Variants in RBPMS observed in about 807,000 individuals in gnomAD.
RBPMS encodes RNA binding protein, mRNA processing factor.
A neutral mutation model predicts 26.8 loss-of-function variants in RBPMS; 7 were observed. That is an observed-to-expected ratio of 0.26 (90% CI 0.15 to 0.49). RBPMS has a LOEUF of 0.49. RBPMS is among the 20% of genes least tolerant of loss of function. The pLI is 0.98. For missense variants in RBPMS, 186 were observed against 250.0 expected, an observed-to-expected ratio of 0.74 and a Z score of 1.73; for synonymous variants, 96 against 93.3, an observed-to-expected ratio of 1.03 and a Z score of -0.17.
chr8:30,421,589 A>G (rs965048274), intron 1 of RBPMS, among the ~76,000 whole-genome samples: 11 of 152,324 alleles, frequency 7.2e-5, no homozygotes, highest in Non-Finnish European at 1.5e-4. Context: ...GGTACCTACT[A>G]TGTGCCAAGG....
At chr8:30,451,510 G>C (rs1814587690) in intron 1 of RBPMS, among the ~76,000 whole-genome samples, 1 of 152,128 alleles carries the variant, frequency 6.6e-6, no homozygotes, top group Admixed American at 6.6e-5. Context: ...GATTCTGATA[G>C]ATATGGATTA....
rs377289582 is a variant in RBPMS at position 30,498,931 on chromosome 8, G to A, written c.247-5355G>A. ...AATATTTTAAATATATCTATATGAT[G>A]CAGAGAAGTAGATCTGAATGTTAGG... On this transcript the variant is annotated intron_variant, in intron 4 of 8. Transcript: ENST00000397323. Among the ~76,000 whole-genome samples, 153 of 152,220 alleles carry A rather than the reference G, an allele frequency of 1.0e-3. 2 individuals are homozygous for A. In the South Asian group the frequency reaches 0.031, roughly 31 times the overall value.
intron 4 of RBPMS, among the ~76,000 whole-genome samples, chr8:30,485,339 CA>C (rs1380218896): frequency 3.7e-4 from 57 of 152,246 alleles, no homozygotes; most frequent in African/African-American, 1.3e-3. Flanking sequence ...GACACTATAT[CA>C]ATATGTTTCT....
At chr8:30,555,132 C>T (rs964748405) in intron 6 of RBPMS, among the ~76,000 whole-genome samples, 1 of 152,184 alleles carries the variant, frequency 6.6e-6, no homozygotes, top group Non-Finnish European at 1.5e-5. Flanking sequence ...CTTTCTCTAG[C>T]ATTCCATTTG....
intron 6 of RBPMS, among the ~76,000 whole-genome samples, chr8:30,553,921 C>T (rs1230039403): frequency 6.6e-6 from 1 of 152,076 alleles, no homozygotes; most frequent in Non-Finnish European, 1.5e-5. Flanking sequence ...GGACTACAGG[C>T]GCACACCACC....
chr8:30,518,387 A>G lies in RBPMS; in HGVS notation c.397+13951A>G, dbSNP rs944011800. ...ACCTCGAGGTTGTAGGCAGTTAGCT[A>G]GGAGTATGACTTTTTCATTCATTCA... On this transcript the variant is annotated intron_variant, in intron 5 of 8. Coordinates refer to ENST00000397323, the MANE Select transcript of RBPMS (RefSeq NM_001008710.3). Among the ~76,000 whole-genome samples the G allele has an allele frequency of 3.9e-5, 6 of 152,182 alleles. No homozygotes were observed. The East Asian group carries it at 9.7e-4, about 24-fold the overall frequency.
chr8:30,393,546 G>A (rs1038688199), intron 1 of RBPMS, among the ~76,000 whole-genome samples: 52 of 151,042 alleles, frequency 3.4e-4, no homozygotes, highest in African/African-American at 1.1e-3. Flanking sequence ...TCTTTGAGAC[G>A]GAGTCTTGCG....
At chr8:30,518,435 A>G (rs1047858289) in intron 5 of RBPMS, among the ~76,000 whole-genome samples, 4 of 151,604 alleles carry the variant, frequency 2.6e-5, no homozygotes, top group African/African-American at 9.7e-5. Flanking sequence ...TTATTTATTT[A>G]TTTATTTAGA....
intron 5 of RBPMS, 114 bp from the exon 6 acceptor site, chr8:30,544,380 G>T: frequency 9.9e-7 from 1 of 1,010,654 alleles, no homozygotes; most frequent in Non-Finnish European, 1.5e-6. Context: ...AAAAGAATGA[G>T]AGTAATTTGA....
In RBPMS at chr8:30,443,592, T is replaced by C. The variant is rs572258453; in HGVS notation, c.67-31187T>C. Among the ~76,000 whole-genome samples the C allele has an allele frequency of 4.1e-3, 619 of 151,708 alleles. 2 individuals carry two copies. The highest frequency in any genetic ancestry group is 6.8e-3 in the Middle Eastern group (2 of 294). On this transcript the variant is annotated intron_variant, in intron 1 of 8. Transcript: ENST00000397323. ...TGTGCTTAAAAATCTTTCAGGTTTT[T>C]TTTGTTTTGTTTTTGTTTTTAAGAC...
At chr8:30,461,172 C>T (rs1468200811) in intron 1 of RBPMS, among the ~76,000 whole-genome samples, 2 of 152,052 alleles carry the variant, frequency 1.3e-5, no homozygotes, top group Non-Finnish European at 1.5e-5. Context: ...ATACCAATCT[C>T]TTCATTGATG....
intron 5 of RBPMS, among the ~76,000 whole-genome samples, chr8:30,523,628 T>C (rs975149601): frequency 2.0e-5 from 3 of 151,528 alleles, no homozygotes; most frequent in Admixed American, 2.0e-4. Context: ...CTCAAAATTG[T>C]AACTGTAAAG....
At position 30,391,041 on chromosome 8, in the gene RBPMS, G is replaced by T. The variant is rs147094138; in HGVS notation, c.66+5883G>T. On this transcript the variant is annotated intron_variant, in intron 1 of 8. Coordinates refer to ENST00000397323, the MANE Select transcript of RBPMS (RefSeq NM_001008710.3). ...GCTGGAAAATTACTTCCATCCCTTT[G>T]TCATTAGGAACCTCCATTTGCGAGC... Among the ~76,000 whole-genome samples, 789 of 152,112 alleles carry T rather than the reference G, an allele frequency of 5.2e-3. 8 individuals carry two copies. The highest frequency in any genetic ancestry group is 0.019 in the African/African-American group (768 of 41,484).
At chr8:30,546,193 T>G (rs1294992048) in intron 6 of RBPMS, among the ~76,000 whole-genome samples, 2 of 152,210 alleles carry the variant, frequency 1.3e-5, no homozygotes, top group African/African-American at 4.8e-5. Context: ...TGTCTCCTCT[T>G]GCTAGACTGC....
At chr8:30,426,265 G>A (rs1414658234) in intron 1 of RBPMS, among the ~76,000 whole-genome samples, 1 of 152,184 alleles carries the variant, frequency 6.6e-6, no homozygotes, top group Non-Finnish European at 1.5e-5. Flanking sequence ...TCAGGGACCA[G>A]TCATCCTTTT....
chr8:30,550,116 C>A (rs1826237121), intron 6 of RBPMS, among the ~76,000 whole-genome samples: 1 of 152,188 alleles, frequency 6.6e-6, no homozygotes. Flanking sequence ...TCCCAAAGTG[C>A]TGGGATTACA....
chr8:30,563,127 T>A (rs1050268213), intron 7 of RBPMS, among the ~76,000 whole-genome samples: 1 of 152,144 alleles, frequency 6.6e-6, no homozygotes, highest in Non-Finnish European at 1.5e-5. Flanking sequence ...GCTGAGGGCA[T>A]GTACAGGCCA....
rs369205052 is a variant in RBPMS at position 30,567,135 on chromosome 8, G to A, written c.*111+775G>A. The stretch of plus-strand genomic sequence containing the variant: ...GTTTATGTCTCAGCCTAAATAAAGC[G>A]GCAGGCTGCATCCCTCTGAGGGGCC... On this transcript the variant is annotated intron_variant, in intron 8 of 8. Transcript: ENST00000397323. Among the ~76,000 whole-genome samples, 5 of 152,300 alleles carry A rather than the reference G, an allele frequency of 3.3e-5. No individual in the cohort carries two copies. The East Asian group carries it at 9.6e-4, about 29-fold the overall frequency.
At chr8:30,448,227 G>A (rs1013558127) in intron 1 of RBPMS, among the ~76,000 whole-genome samples, 57 of 152,210 alleles carry the variant, frequency 3.7e-4, no homozygotes, top group African/African-American at 1.3e-3. Flanking sequence ...TGTATGTTGG[G>A]TAAGCATTGC....
Sources: gnomAD v4.1 joint callset for allele counts (sites outside exome capture counted in the v4.1 genomes callset) on GRCh38, gnomAD v4.1.1 for gene constraint, MANE v1.5 for transcripts, NCBI Gene and HGNC (gene_info 2026-07-23, HGNC 2026-07-21) for gene names.